POLE: variants seen among roughly 807,000 people sequenced by gnomAD.
POLE encodes DNA polymerase epsilon catalytic subunit A.
POLE carries 188 observed loss-of-function variants against 279.2 expected under a neutral mutation model. The observed-to-expected ratio is 0.67, with a 90% CI of 0.60 to 0.76. The LOEUF (loss-of-function observed/expected upper bound fraction) is 0.76. Ranked by LOEUF, POLE falls within the 30% of genes least tolerant of loss-of-function variation. The probability of loss-of-function intolerance (pLI) is 0.00; values close to 1 mark genes in which losing one functional copy is unlikely to be tolerated. For missense variants in POLE, 2,703 were observed against 3,016.7 expected (o/e 0.90, Z 2.44); for synonymous variants, 1,214 against 1,172.5 (o/e 1.04, Z -0.72).
intron 47 of POLE, 137 bp downstream of exon 47, chr12:132,625,508 G>T (rs1593695782): frequency 1.9e-6 from 2 of 1,078,340 alleles, no homozygotes; most frequent in South Asian, 1.3e-5. Context: ...CTCAGGGCAT[G>T]GACTGGTCTG....
At chr12:132,632,617 G>A (rs768621571) in intron 44 of POLE, 47 bp downstream of exon 44, 24 of 1,613,150 alleles carry the variant, frequency 1.5e-5, no homozygotes, top group Non-Finnish European at 1.9e-5. Flanking sequence ...AGAGGAGTTA[G>A]GTCACTGGCA....
chr12:132,631,516 G>A (rs1159890937), intron 45 of POLE, among the ~76,000 whole-genome samples: 1 of 152,166 alleles, frequency 6.6e-6, no homozygotes, highest in East Asian at 1.9e-4. Flanking sequence ...CAGACCTTGA[G>A]GCTGTCACCT....
intron 29 of POLE, among the ~76,000 whole-genome samples, chr12:132,652,561 T>G (rs894657279): frequency 7.2e-5 from 11 of 152,186 alleles, no homozygotes; most frequent in African/African-American, 2.7e-4. Flanking sequence ...TGGGCTCAAC[T>G]GATCCTCCTT....
At chr12:132,652,564 T>C (rs2042446980) in intron 29 of POLE, among the ~76,000 whole-genome samples, 2 of 152,086 alleles carry the variant, frequency 1.3e-5, no homozygotes, top group African/African-American at 4.8e-5. Flanking sequence ...GCTCAACTGA[T>C]CCTCCTTCCT....
chr12:132,687,308 A>G lies in POLE; in HGVS notation c.8T>C (p.Leu3Pro). MS[L>P]RSGGRRRADP... Reference sequence around the variant, plus strand: ...CGCGCGCCGCCGCCCGCCGCTCCTCAGAGACATGGAGCCGTTGGCTACCAC... The same window carrying G: ...CGCGCGCCGCCGCCCGCCGCTCCTCGGAGACATGGAGCCGTTGGCTACCAC... Residue 3 changes from leucine to proline, a missense_variant, in exon 1 of 49, where the codon CTG (leucine) becomes CCG (proline). Coordinates refer to ENST00000320574, the MANE Select transcript of POLE (RefSeq NM_006231.4). 6.7e-7 allele frequency: 1 copy of G among 1,502,930 alleles called. No homozygotes were observed. The allele number at this position is 1,502,930 out of a possible 1,614,324, so 93.1% of individuals were successfully genotyped here. A position where few individuals can be genotyped will look rare whatever the true frequency, so the allele number is the denominator to read the frequency against.
At chr12:132,680,918 T>C (rs1468601240) in intron 2 of POLE, 2 of 631,958 alleles carry the variant, frequency 3.2e-6, no homozygotes, top group Non-Finnish European at 5.4e-6. Context: ...AGCTTTATTC[T>C]GATGGCTAAA....
In POLE at chr12:132,665,867, G is replaced by A. The variant is rs572603873; in HGVS notation, c.2320-417C>T. The stretch of plus-strand genomic sequence containing the variant: ...TAAGGAACAAAAGCAAATTCCTTAA[G>A]ATAATTACTGAGTGCCTAGTATGTG... On this transcript the variant is annotated intron_variant, in intron 20 of 48. Transcript: ENST00000320574. Among the ~76,000 whole-genome samples the A allele has an allele frequency of 2.6e-3, 395 of 152,342 alleles. 1 individual carries two copies. The highest frequency in any genetic ancestry group is 9.1e-3 in the African/African-American group (378 of 41,576).
Position 132,681,242 on chromosome 12 carries a change from G to A in POLE, c.100C>T (p.Arg34Cys), listed in dbSNP as rs771051323. ...GATSSVSALK[R>C]LERSQWTDKM... is the part of the protein sequence containing the mutation. ...TCCGTCCACTGACTCCGTTCCAGGC[G>A]CTTGAGTGCCGAAACTGAGGAAGTG... Residue 34 changes from arginine (R) to cysteine (C), a missense_variant, in exon 2 of 49, where the codon CGC (arginine) becomes TGC (cysteine). Around this residue, in one of 5 missense-constraint regions of POLE, gnomAD observed 1,011 missense variants for 1,111.7 expected, o/e 0.91. Transcript: ENST00000320574. The A allele has an allele frequency of 4.3e-6, 7 of 1,614,064 alleles. No homozygotes were observed. Among genetic ancestry groups the A allele is most frequent in the East Asian group, 2.2e-5 (1 of 44,896 alleles).
At chr12:132,649,998 G>A (rs1352895053) in intron 29 of POLE, 109 bp from the exon 30 acceptor site, 2 of 926,010 alleles carry the variant, frequency 2.2e-6, no homozygotes, top group Non-Finnish European at 3.3e-6. Flanking sequence ...ATTGCTTGGG[G>A]CCAGGAGTTT....
rs1450341447 is a variant in POLE, at chr12:132,661,261, A to G, written c.2865-97T>C. 9 of 1,175,256 alleles carry G rather than the reference A, an allele frequency of 7.7e-6. No homozygotes were observed. In the Admixed American group the frequency reaches 1.6e-4, roughly 21 times the overall value. 72.8% of individuals were successfully genotyped at this position (1,175,256 alleles called of 1,614,324 possible). On this transcript the variant is annotated intron_variant, in intron 24 of 48. Transcript: ENST00000320574. The surrounding 1 kb of genome is among the most constrained non-coding windows in gnomAD (Gnocchi z 4.1). Reference sequence around the variant, plus strand: ...TCTCTGCCCGCCTCTTCCCTTTCCAACCCTCCACCTGTCATCCACGAGGCA... The same window carrying G: ...TCTCTGCCCGCCTCTTCCCTTTCCAGCCCTCCACCTGTCATCCACGAGGCA...
At chr12:132,686,600 T>C (rs2043274714) in intron 1 of POLE, among the ~76,000 whole-genome samples, 1 of 151,684 alleles carries the variant, frequency 6.6e-6, no homozygotes, top group African/African-American at 2.4e-5. Flanking sequence ...CCGGGCCTGG[T>C]GGCGGGCGCC....
intron 1 of POLE, among the ~76,000 whole-genome samples, chr12:132,686,374 G>A (rs1024831003): frequency 4.6e-5 from 7 of 152,056 alleles, no homozygotes; most frequent in South Asian, 4.2e-4. Context: ...CCTCCGGCTC[G>A]GATTCGGGAG....
chr12:132,649,840 T>C lies in POLE; in HGVS notation c.3632A>G (p.Asp1211Gly). 6.2e-7 allele frequency: 1 copy of C among 1,614,150 alleles called. No individual in the cohort carries two copies. Among genetic ancestry groups the C allele is most frequent in the South Asian group, 1.1e-5 (1 of 91,076 alleles). The change falls in exon 30 of 49, where the codon GAC (aspartate) becomes GGC (glycine). Residue 1211 changes from aspartate to glycine, a missense_variant. Around this residue, in one of 5 missense-constraint regions of POLE, gnomAD observed 1,551 missense variants for 1,686.1 expected, o/e 0.92. Coordinates refer to ENST00000320574, the MANE Select transcript of POLE (RefSeq NM_006231.4). ...CTTTACGAGGCCGAAGTCCTCCATG[T>C]CAGGAGCACTTGGCCTCGGACTGTC... ...SEDSPRPSAP[D>G]MEDFGLVKLP...
At chr12:132,672,059 G>T (rs945589961) in intron 16 of POLE, among the ~76,000 whole-genome samples, 156 bp downstream of exon 16, 1 of 152,040 alleles carries the variant, frequency 6.6e-6, no homozygotes, top group Non-Finnish European at 1.5e-5. Context: ...AGCATCACAC[G>T]TCACAACCAT....
In POLE at chr12:132,664,628, C is replaced by T. The variant is rs1009076572; in HGVS notation, c.2469-166G>A. Among the ~76,000 whole-genome samples, 2 of 152,134 alleles carry T rather than the reference C, an allele frequency of 1.3e-5. No individual in the cohort carries two copies. Among genetic ancestry groups the T allele is most frequent in the African/African-American group, 2.4e-5 (1 of 41,420 alleles). ...AACTAAGGTGGAATCTGGCTCTGCC[C>T]GAGGACACCTCTCTGTCCCCACCTT... On this transcript the variant is annotated intron_variant, in intron 21 of 48. Transcript: ENST00000320574. The surrounding 1 kb of genome is among the most constrained non-coding windows in gnomAD (Gnocchi z 5.3).
In POLE at chr12:132,667,657, G is replaced by A. The variant is rs774092365; in HGVS notation, c.2174-9C>T. The A allele has an allele frequency of 1.1e-5, 18 of 1,613,656 alleles. No homozygotes were observed. Among genetic ancestry groups the A allele is most frequent in the African/African-American group, 2.7e-5 (2 of 74,938 alleles). On this transcript the variant is annotated splice_polypyrimidine_tract_variant and intron_variant, in intron 19 of 48. Coordinates refer to ENST00000320574, the MANE Select transcript of POLE (RefSeq NM_006231.4). ...GGCTTTCCGGCAGTAATCTAAGCAC[G>A]ACGGAGATGGGCAGAGCAGGTGGGT...
At chr12:132,636,441 GAAAAAAAAAAA>G (rs60289510) in intron 41 of POLE, among the ~76,000 whole-genome samples, 8 of 44,472 alleles carry the variant, frequency 1.8e-4, no homozygotes, top group South Asian at 1.9e-3. Flanking sequence ...TCCATTTAAG[GAAAAAAAAAAA>G]AAAAAAAAAA....
At chr12:132,666,167 A>G (rs1301292260) in intron 20 of POLE, among the ~76,000 whole-genome samples, 2 of 152,264 alleles carry the variant, frequency 1.3e-5, no homozygotes, top group Non-Finnish European at 2.9e-5. Flanking sequence ...AAAAGGTGGA[A>G]GCAACCCAAG....
rs1025803088 is a variant in POLE at position 132,679,715 on chromosome 12, A to G, written c.424-64T>C. ...AATAGGACTTTATGGGTGAGAGGGT[A>G]AACACTCAAAGGTAAACACACAAGT... On this transcript the variant is annotated intron_variant, in intron 5 of 48. Transcript: ENST00000320574. The G allele has an allele frequency of 5.8e-6, 9 of 1,545,096 alleles. No individual in the cohort carries two copies. In the African/African-American group the frequency reaches 6.8e-5, roughly 12 times the overall value.
Sources: allele counts gnomAD v4.1 joint callset (sites outside exome capture counted in the v4.1 genomes callset), GRCh38; gene constraint gnomAD v4.1.1; regional missense constraint gnomAD v4.1.1; non-coding constraint Gnocchi (gnomAD v3.1); transcripts MANE v1.5; gene names NCBI Gene and HGNC (gene_info 2026-07-23, HGNC 2026-07-21).